MTOR: variants seen among roughly 807,000 people sequenced by gnomAD.
MTOR encodes the protein mechanistic target of rapamycin kinase.
MTOR carries 70 observed loss-of-function variants against 319.8 expected under a neutral mutation model. The ratio of observed to expected loss-of-function variants is 0.22; its 90% CI spans 0.18 to 0.27. The LOEUF (loss-of-function observed/expected upper bound fraction) is 0.27, where lower values mean the gene tolerates loss of function less well. Ranked by LOEUF, MTOR falls within the 10% of genes least tolerant of loss-of-function variation. The probability of loss-of-function intolerance (pLI) is 1.00; values close to 1 mark genes in which losing one functional copy is unlikely to be tolerated. For missense variants in MTOR, 1,890 were observed against 3,274.4 expected (o/e 0.58, Z 10.32); for synonymous variants, 1,183 against 1,211.4 (o/e 0.98, Z 0.49).
chr1:11,194,350 C>A, intron 28 of MTOR: 2 of 992,858 alleles, frequency 2.0e-6, no homozygotes, highest in Non-Finnish European at 3.1e-6. Context: ...TTATTAGATT[C>A]ACACCTATAA....
intron 19 of MTOR, among the ~76,000 whole-genome samples, chr1:11,221,288 C>T (rs975833207): frequency 6.6e-6 from 1 of 152,138 alleles, no homozygotes; most frequent in Admixed American, 6.6e-5. Flanking sequence ...AGCCACCACG[C>T]TCAGCCTAAA....
chr1:11,194,532 C>T (rs1441213103), intron 28 of MTOR: 13 of 1,614,020 alleles, frequency 8.1e-6, no homozygotes, highest in Non-Finnish European at 1.1e-5. Flanking sequence ...ACAGCTATCG[C>T]CTCTTCCTGG....
chr1:11,190,064 A>G, intron 28 of MTOR: 1 of 1,330,516 alleles, frequency 7.5e-7, no homozygotes. Flanking sequence ...TTGTGGGTAC[A>G]CTTTCCCTTT....
intron 28 of MTOR, among the ~76,000 whole-genome samples, chr1:11,178,242 AG>A (rs757297689): frequency 2.6e-5 from 4 of 152,198 alleles, no homozygotes; most frequent in Non-Finnish European, 5.9e-5. Context: ...CCCAGCGATG[AG>A]CTGGCAAGCT....
chr1:11,190,095 T>C, intron 28 of MTOR: 2 of 980,230 alleles, frequency 2.0e-6, no homozygotes, highest in Non-Finnish European at 2.9e-6. Flanking sequence ...TATGCAGTAT[T>C]TCCTTTGACT....
Position 11,212,556 on chromosome 1 carries a change from A to G in MTOR, c.3399-82T>C. The G allele has an allele frequency of 6.7e-7, 1 of 1,501,372 alleles. No homozygotes were observed. The highest frequency in any genetic ancestry group is 9.0e-7 in the Non-Finnish European group (1 of 1,107,186). 93.0% of individuals were successfully genotyped at this position (1,501,372 alleles called of 1,614,324 possible). A position where few individuals can be genotyped will look rare whatever the true frequency, so the allele number is the denominator to read the frequency against. On this transcript the variant is annotated intron_variant, in intron 22 of 57. Coordinates refer to ENST00000361445, the MANE Select transcript of MTOR (RefSeq NM_004958.4). This position sits in a 1 kb window ranked among gnomAD's most constrained non-coding sequence, Gnocchi z 4.1. ...GTGACTGAGGGTGAGCTTAACAATC[A>G]GCACCAAAGGGATGGGAATGAACGG...
At chr1:11,240,594 C>G in intron 10 of MTOR, 47 bp from the exon 11 acceptor site, 1 of 1,587,358 alleles carries the variant, frequency 6.3e-7, no homozygotes, top group South Asian at 1.1e-5. Flanking sequence ...ACATGACACT[C>G]AGTCTGTTCT....
intron 56 of MTOR, among the ~76,000 whole-genome samples, chr1:11,108,905 T>C (rs1641715802): frequency 6.6e-6 from 1 of 151,872 alleles, no homozygotes; most frequent in African/African-American, 2.4e-5. Context: ...GGAGAATTGT[T>C]TGAACCTGGG....
chr1:11,225,214 T>C (rs1237874404), intron 19 of MTOR, among the ~76,000 whole-genome samples: 1 of 152,110 alleles, frequency 6.6e-6, no homozygotes. Context: ...AATAAATAAA[T>C]TTTTTATTTT....
chr1:11,128,633 T>C lies in MTOR; in HGVS notation c.5812-81A>G. 7.1e-7 allele frequency: 1 copy of C among 1,408,044 alleles called. No homozygotes were observed. Among genetic ancestry groups the C allele is most frequent in the Admixed American group, 1.7e-5 (1 of 57,184 alleles). The allele number at this position is 1,408,044 out of a possible 1,614,324, so 87.2% of individuals were successfully genotyped here. On this transcript the variant is annotated intron_variant, in intron 41 of 57. Coordinates refer to ENST00000361445, the MANE Select transcript of MTOR (RefSeq NM_004958.4). This position sits in a 1 kb window ranked among gnomAD's most constrained non-coding sequence, Gnocchi z 5.3. Reference sequence around the variant, plus strand: ...TCTTCTAGGCAAAGATCAATTCTTTTAACTTGTTTCGGTTGATGCTCTGAA... The same window carrying C: ...TCTTCTAGGCAAAGATCAATTCTTTCAACTTGTTTCGGTTGATGCTCTGAA...
intron 38 of MTOR, chr1:11,132,338 A>G (rs1423055760): frequency 6.6e-6 from 1 of 152,234 alleles, no homozygotes; most frequent in Admixed American, 6.5e-5. Context: ...CATTTTTCAA[A>G]CCAGAATGAA....
intron 28 of MTOR, among the ~76,000 whole-genome samples, chr1:11,184,108 A>G (rs1467886376): frequency 2.0e-5 from 3 of 152,160 alleles, no homozygotes; most frequent in East Asian, 1.9e-4. Flanking sequence ...ACTCTTCCAA[A>G]TTTATTTTCC....
At chr1:11,243,349 C>G in intron 8 of MTOR, 49 bp from the exon 9 acceptor site, 1 of 1,551,674 alleles carries the variant, frequency 6.4e-7, no homozygotes, top group Non-Finnish European at 8.8e-7. Context: ...GGGTTAGGGT[C>G]TACATATCAA....
At position 11,127,658 on chromosome 1, in the gene MTOR, C is replaced by T. The variant is rs2100407138; in HGVS notation, c.6182G>A (p.Gly2061Asp). The T allele has an allele frequency of 6.2e-7, 1 of 1,613,922 alleles. No individual in the cohort carries two copies. Among genetic ancestry groups the T allele is most frequent in the Non-Finnish European group, 8.5e-7 (1 of 1,179,958 alleles). ...LEPLHAMMERGPQTLKETSFN... is the reference protein window; with the variant it reads ...LEPLHAMMERDPQTLKETSFN... ...GGATGTTTCCTTCAGAGTCTGGGGGCCCCGTTCCATCATAGCATGCAAGGG... is the reference window on the plus strand; with the variant it reads ...GGATGTTTCCTTCAGAGTCTGGGGGTCCCGTTCCATCATAGCATGCAAGGG... Residue 2061 changes from glycine (G) to aspartate (D), a missense_variant, in exon 44 of 58, where the codon GGC becomes GAC. Gly to Asp is a moderately conservative substitution (Grantham distance 94, BLOSUM62 -1). Coordinates refer to ENST00000361445, the MANE Select transcript of MTOR (RefSeq NM_004958.4). This position sits in a 1 kb window ranked among gnomAD's most constrained non-coding sequence, Gnocchi z 5.5.
At chr1:11,181,534 A>G (rs1271349038) in intron 28 of MTOR, among the ~76,000 whole-genome samples, 4 of 152,198 alleles carry the variant, frequency 2.6e-5, no homozygotes, top group Non-Finnish European at 5.9e-5. Flanking sequence ...CAAAATAAAT[A>G]AACAAATAAA....
At chr1:11,201,743 G>A (rs1645975489) in intron 26 of MTOR, among the ~76,000 whole-genome samples, 1 of 151,844 alleles carries the variant, frequency 6.6e-6, no homozygotes, top group Non-Finnish European at 1.5e-5. Context: ...TTTCAATTTT[G>A]TATTCCATTT....
chr1:11,185,336 G>C (rs905098680), intron 28 of MTOR, among the ~76,000 whole-genome samples: 45 of 150,270 alleles, frequency 3.0e-4, no homozygotes, highest in African/African-American at 1.0e-3. Flanking sequence ...AGCACTTTGA[G>C]AGGCTGAGGC....
Position 11,213,401 on chromosome 1 carries a change from T to C in MTOR, c.3283A>G (p.Lys1095Glu). ...DNSPGRIVSI[K>E]LLAAIQLFGA... Reference sequence around the variant, plus strand: ...GGAGGATGACGTAGGCTACTCACCTTGATAGAGACAATGCGGCCTGGGCTG... The same window carrying C: ...GGAGGATGACGTAGGCTACTCACCTCGATAGAGACAATGCGGCCTGGGCTG... Residue 1095 changes from lysine to glutamate, a missense_variant and splice_region_variant, in exon 21 of 58, where the codon AAG (lysine) becomes GAG (glutamate). This residue lies in a region of MTOR where 377 missense variants were observed against 653.9 expected (regional missense o/e 0.58). Coordinates refer to ENST00000361445, the MANE Select transcript of MTOR (RefSeq NM_004958.4). 1 of 1,611,622 alleles carries C rather than the reference T, an allele frequency of 6.2e-7. No individual in the cohort carries two copies. The highest frequency in any genetic ancestry group is 8.5e-7 in the Non-Finnish European group (1 of 1,179,584).
At chr1:11,159,668 T>A (rs1396180466) in intron 29 of MTOR, among the ~76,000 whole-genome samples, 1 of 151,922 alleles carries the variant, frequency 6.6e-6, no homozygotes, top group Non-Finnish European at 1.5e-5. Context: ...TAATATGTGC[T>A]AAAGATGGCA....
Sources: gnomAD v4.1 joint callset for allele counts (sites outside exome capture counted in the v4.1 genomes callset) on GRCh38, gnomAD v4.1.1 for gene constraint, gnomAD v4.1.1 regional missense constraint, Gnocchi (gnomAD v3.1) non-coding constraint, MANE v1.5 for transcripts, NCBI Gene and HGNC (gene_info 2026-07-23, HGNC 2026-07-21) for gene names.